The following NOSIP variants were observed in gnomAD, a reference collection of about 807,000 sequenced individuals.
The protein encoded by NOSIP is nitric oxide synthase-interacting protein.
In NOSIP, 25 loss-of-function variants were observed where a neutral mutation model predicts 36.4. The ratio of observed to expected loss-of-function variants is 0.69; its 90% CI spans 0.50 to 0.96. NOSIP has a LOEUF of 0.96. Ranked by LOEUF, NOSIP falls within the 40% of genes least tolerant of loss-of-function variation. The pLI is 0.00. For synonymous variants in NOSIP, 187 were observed against 179.2 expected (o/e 1.04, Z -0.35); for missense variants, 370 against 429.0 (o/e 0.86, Z 1.21).
intron 3 of NOSIP, chr19:49,559,685 G>A (rs926088649): frequency 3.3e-5 from 17 of 514,170 alleles, no homozygotes; most frequent in Admixed American, 2.3e-4. Flanking sequence ...GAGCTGCTCC[G>A]ATGGCCTCGG....
intron 1 of NOSIP, among the ~76,000 whole-genome samples, chr19:49,567,875 A>C (rs2080432071): frequency 6.6e-6 from 1 of 151,504 alleles, no homozygotes. Context: ...GACAGGGTTC[A>C]CCACGTTGGC....
At chr19:49,563,148 A>G (rs1434546413) in intron 1 of NOSIP, among the ~76,000 whole-genome samples, 1 of 151,488 alleles carries the variant, frequency 6.6e-6, no homozygotes, top group Non-Finnish European at 1.5e-5. Flanking sequence ...CCTCTCTGCC[A>G]CCCATTTTTA....
intron 3 of NOSIP, chr19:49,559,296 T>C (rs2080299092): frequency 7.2e-6 from 2 of 279,592 alleles, no homozygotes; most frequent in Non-Finnish European, 1.4e-5. Flanking sequence ...GTGCCACATA[T>C]TGTTGCAGCC....
intron 1 of NOSIP, among the ~76,000 whole-genome samples, chr19:49,578,205 C>G (rs2080579007): frequency 1.3e-5 from 2 of 151,702 alleles, no homozygotes; most frequent in Admixed American, 1.3e-4. Context: ...CTCACTGCAA[C>G]CTCTGTCCCT....
At chr19:49,577,767 G>GA (rs61302412) in intron 1 of NOSIP, among the ~76,000 whole-genome samples, 105,809 of 121,438 alleles carry the variant, frequency 0.87, 46,486 homozygotes, top group Non-Finnish European at 0.92. Context: ...CGTGTCTCGG[G>GA]AAAAAAAAAA....
Position 49,555,602 on chromosome 19 carries a change from C to T in NOSIP, c.*149G>A, listed in dbSNP as rs184596678. The T allele has an allele frequency of 1.6e-6, 1 of 641,178 alleles. No individual in the cohort carries two copies. Among genetic ancestry groups the T allele is most frequent in the Non-Finnish European group, 2.8e-6 (1 of 358,632 alleles). The allele number at this position is 641,178 out of a possible 1,614,324, so 39.7% of individuals were successfully genotyped here. A position where few individuals can be genotyped will look rare whatever the true frequency, so the allele number is the denominator to read the frequency against. ...GAGACCACATTCAATATGCTTAGCC[C>T]GCTCTTTCAAACTCCAGCGTGCGCT... On this transcript the variant is annotated 3_prime_UTR_variant, in exon 9 of 9. Transcript: ENST00000596358.
At chr19:49,556,514 G>A (rs368759917) in intron 7 of NOSIP, 35 bp downstream of exon 7, 10 of 1,606,430 alleles carry the variant, frequency 6.2e-6, no homozygotes, top group East Asian at 4.5e-5. Flanking sequence ...GCAGGTTCCC[G>A]AGTGGTCCCT....
At position 49,559,886 on chromosome 19, in the gene NOSIP, T is replaced by C. The variant is rs1038514668; in HGVS notation, c.176+48A>G. ...ACGCACACAGCCTCCTCCTGGCGGT[T>C]CCCTTGCTCTCCCCACCCAGACCTA... On this transcript the variant is annotated intron_variant, in intron 3 of 8. Coordinates refer to ENST00000596358, the MANE Select transcript of NOSIP (RefSeq NM_001270960.2). 2.1e-6 allele frequency: 3 copies of C among 1,417,110 alleles called. No individual in the cohort carries two copies. In the African/African-American group the frequency reaches 4.3e-5, roughly 20 times the overall value. The allele number at this position is 1,417,110 out of a possible 1,614,324, so 87.8% of individuals were successfully genotyped here.
At chr19:49,557,705 AAG>A in intron 4 of NOSIP, 1 of 997,686 alleles carries the variant, frequency 1.0e-6, no homozygotes, top group African/African-American at 1.7e-5. Flanking sequence ...CTTCAGATCT[AAG>A]GGAATGCTGA....
At chr19:49,572,004 G>C (rs1295644355) in intron 1 of NOSIP, among the ~76,000 whole-genome samples, 1 of 129,176 alleles carries the variant, frequency 7.7e-6, no homozygotes, top group African/African-American at 3.0e-5. Flanking sequence ...AAAAAAAAAA[G>C]CCAATCCATT....
intron 4 of NOSIP, chr19:49,558,020 A>C (rs897782875): frequency 5.3e-6 from 4 of 756,356 alleles, no homozygotes; most frequent in Non-Finnish European, 6.4e-6. Flanking sequence ...GCAGGGGAAG[A>C]GGGGGACAGA....
intron 1 of NOSIP, among the ~76,000 whole-genome samples, chr19:49,563,840 G>A (rs1294430029): frequency 6.6e-6 from 1 of 152,044 alleles, no homozygotes; most frequent in African/African-American, 2.4e-5. Context: ...GTCTCTGCAA[G>A]AAATAAAAAA....
chr19:49,573,814 G>T lies in NOSIP; in HGVS notation c.-2+6701C>A, dbSNP rs144739901. On this transcript the variant is annotated intron_variant, in intron 1 of 8. Transcript: ENST00000596358. The stretch of plus-strand genomic sequence containing the variant: ...TTTATGTATGTATGTATGTATGTAT[G>T]TATTTATTTTGGAGACAGTCTCACT... Among the ~76,000 whole-genome samples the T allele has an allele frequency of 3.0e-4, 44 of 146,514 alleles. No homozygotes were observed. In the East Asian group the frequency reaches 5.3e-3, roughly 18 times the overall value.
chr19:49,568,187 G>A (rs572801549), intron 1 of NOSIP, among the ~76,000 whole-genome samples: 1 of 152,304 alleles, frequency 6.6e-6, no homozygotes, highest in South Asian at 2.1e-4. Context: ...ACACGGGCTA[G>A]GTGGTTAAGA....
Position 49,560,810 on chromosome 19 carries a change from G to A in NOSIP, c.-1-118C>T. 1.3e-6 allele frequency: 1 copy of A among 785,866 alleles called. No individual in the cohort carries two copies. The highest frequency in any genetic ancestry group is 2.1e-6 in the Non-Finnish European group (1 of 469,052). 48.7% of individuals were successfully genotyped at this position (785,866 alleles called of 1,614,324 possible). On this transcript the variant is annotated intron_variant, in intron 1 of 8. Transcript: ENST00000596358. This position sits in a 1 kb window ranked among gnomAD's most constrained non-coding sequence, Gnocchi z 4.6. Reference sequence around the variant, plus strand: ...TTGATGGGAAAGCGGAGGCGGAGAAGGGGGGTGAGGTGGAAGAGAGGGAGG... The same window carrying A: ...TTGATGGGAAAGCGGAGGCGGAGAAAGGGGGTGAGGTGGAAGAGAGGGAGG...
Position 49,560,811 on chromosome 19 carries a change from G to A in NOSIP, c.-1-119C>T, listed in dbSNP as rs1311043173. On this transcript the variant is annotated intron_variant, in intron 1 of 8. Coordinates refer to ENST00000596358, the MANE Select transcript of NOSIP (RefSeq NM_001270960.2). This position sits in a 1 kb window ranked among gnomAD's most constrained non-coding sequence, Gnocchi z 4.6. ...TGATGGGAAAGCGGAGGCGGAGAAGGGGGGTGAGGTGGAAGAGAGGGAGGG... is the reference window on the plus strand; with the variant it reads ...TGATGGGAAAGCGGAGGCGGAGAAGAGGGGTGAGGTGGAAGAGAGGGAGGG... 15 of 788,660 alleles carry A rather than the reference G, an allele frequency of 1.9e-5. No homozygotes were observed. Among genetic ancestry groups the A allele is most frequent in the South Asian group, 4.6e-5 (3 of 65,158 alleles). The allele number at this position is 788,660 out of a possible 1,614,324, so 48.9% of individuals were successfully genotyped here.
intron 1 of NOSIP, chr19:49,566,752 C>A (rs1249673336): frequency 6.6e-6 from 1 of 151,862 alleles, no homozygotes; most frequent in Non-Finnish European, 1.5e-5. Flanking sequence ...CACTTCCACT[C>A]CTTCACTTGA....
chr19:49,558,628 G>A (rs1421516497), intron 4 of NOSIP: 12 of 448,164 alleles, frequency 2.7e-5, no homozygotes, highest in Non-Finnish European at 4.9e-5. Context: ...AGGGAAAGTG[G>A]GCATGTGTCA....
At chr19:49,555,937 G>A in intron 8 of NOSIP, 115 bp from the exon 9 acceptor site, 1 of 732,878 alleles carries the variant, frequency 1.4e-6, no homozygotes, top group Admixed American at 2.3e-5. Context: ...TGCTGGCTAA[G>A]GAGTAGGAGT....
Sources: gnomAD v4.1 joint callset for allele counts (sites outside exome capture counted in the v4.1 genomes callset) on GRCh38, gnomAD v4.1.1 for gene constraint, Gnocchi (gnomAD v3.1) non-coding constraint, MANE v1.5 for transcripts, NCBI Gene and HGNC (gene_info 2026-07-23, HGNC 2026-07-21) for gene names.